The following SATL1 variants were observed in gnomAD, a reference collection of about 807,000 sequenced individuals.
The protein encoded by SATL1 is spermidine/spermine N1-acetyl transferase like 1, also known as spermidine/spermine N(1)-acetyltransferase-like protein 1.
In SATL1, 47 loss-of-function variants were observed where a neutral mutation model predicts 51.8. The observed-to-expected ratio is 0.91, with a 90% CI of 0.72 to 1.16. The LOEUF (loss-of-function observed/expected upper bound fraction) is 1.16, where lower values mean the gene tolerates loss of function less well. Ranked by LOEUF, SATL1 falls within the 50% of genes most tolerant of loss-of-function variation. The pLI is 0.00. For synonymous variants in SATL1, 176 were observed against 182.4 expected (o/e 0.97, Z 0.28); for missense variants, 520 against 526.4 (o/e 0.99, Z 0.12).
At chrX:85,130,873 C>T (rs1193468257) in intron 2 of SATL1, among the ~76,000 whole-genome samples, 2 of 111,934 alleles carry the variant, frequency 1.8e-5, no homozygotes, top group Non-Finnish European at 3.8e-5. Flanking sequence ...TTTCATAGAA[C>T]ATCTTTATTT....
chrX:85,128,042 A>C (rs1405765209), intron 2 of SATL1, among the ~76,000 whole-genome samples: 1 of 111,790 alleles, frequency 8.9e-6, no homozygotes, highest in East Asian at 2.8e-4. Flanking sequence ...AATCCAGTCT[A>C]TCATTGATGG....
intron 4 of SATL1, among the ~76,000 whole-genome samples, chrX:85,098,696 C>T (rs1354628861): frequency 2.7e-5 from 3 of 110,861 alleles, no homozygotes; most frequent in South Asian, 3.8e-4. Flanking sequence ...AACAACGCAC[C>T]GTACACAACC....
At chrX:85,238,934 GC>G (rs1928532009) in intron 1 of SATL1, among the ~76,000 whole-genome samples, 1 of 110,622 alleles carries the variant, frequency 9.0e-6, no homozygotes, top group Admixed American at 9.6e-5. Flanking sequence ...ATTCTTAGGG[GC>G]TGGGGGACTG....
At chrX:85,156,682 T>C (rs1422002251) in intron 2 of SATL1, among the ~76,000 whole-genome samples, 2 of 106,762 alleles carry the variant, frequency 1.9e-5, no homozygotes, top group Non-Finnish European at 3.9e-5. Flanking sequence ...TGTTTCCAGG[T>C]AGCATCAAGT....
At position 85,133,333 on chromosome X, in the gene SATL1, G is replaced by A. The variant is rs144496333; in HGVS notation, c.-312-24053C>T. On this transcript the variant is annotated intron_variant, in intron 2 of 7. Transcript: ENST00000644105. ...TCCACCCAGTTCGAGCTTCCTGTCC[G>A]CTTTGTATACCTACTCAAGCCTCAG... is the stretch of plus-strand genomic sequence containing the variant. Among the ~76,000 whole-genome samples the A allele has an allele frequency of 1.4e-3, 153 of 111,939 alleles. 2 individuals are homozygous for A. In the East Asian group the frequency reaches 0.039, roughly 29 times the overall value.
chrX:85,125,121 T>C (rs1925590141), intron 2 of SATL1, among the ~76,000 whole-genome samples: 1 of 110,691 alleles, frequency 9.0e-6, no homozygotes, highest in East Asian at 2.9e-4. Context: ...GGGTACTTTA[T>C]AGTTATTTTG....
chrX:85,127,623 G>A (rs1406585465), intron 2 of SATL1, among the ~76,000 whole-genome samples: 1 of 111,319 alleles, frequency 9.0e-6, no homozygotes, highest in East Asian at 2.8e-4. Context: ...CAATCCAAAT[G>A]ACTACCAATG....
intron 2 of SATL1, among the ~76,000 whole-genome samples, chrX:85,110,676 C>A (rs1220263115): frequency 1.8e-5 from 2 of 111,729 alleles, no homozygotes; most frequent in East Asian, 2.8e-4. Context: ...AAATTAGAGA[C>A]CCCAATCACT....
chrX:85,170,346 T>G (rs1221963809), intron 2 of SATL1, among the ~76,000 whole-genome samples: 3 of 111,592 alleles, frequency 2.7e-5, no homozygotes, highest in African/African-American at 9.7e-5. Flanking sequence ...GGAATCTCAG[T>G]AATTGAACAG....
chrX:85,211,439 C>CT (rs1251915514), intron 2 of SATL1: 1 of 111,398 alleles, frequency 9.0e-6, no homozygotes, highest in East Asian at 2.8e-4. Flanking sequence ...AGTACCAAGT[C>CT]TTTATCAGTT....
chrX:85,170,189 C>A (rs1006985346), intron 2 of SATL1, among the ~76,000 whole-genome samples: 1 of 110,770 alleles, frequency 9.0e-6, no homozygotes, highest in Non-Finnish European at 1.9e-5. Context: ...AGGCTTAATA[C>A]CTGGGTGACA....
chrX:85,138,393 G>A (rs1032480182), intron 2 of SATL1, among the ~76,000 whole-genome samples: 4 of 111,969 alleles, frequency 3.6e-5, no homozygotes, highest in Non-Finnish European at 7.5e-5. Context: ...GAGTCTTGCA[G>A]CTCTCACAGT....
At chrX:85,169,081 T>G (rs1050262859) in intron 2 of SATL1, among the ~76,000 whole-genome samples, 4 of 111,866 alleles carry the variant, frequency 3.6e-5, no homozygotes, top group African/African-American at 1.3e-4. Flanking sequence ...TGCAGAAGAC[T>G]AACTGGATCC....
At chrX:85,214,451 A>C (rs1433035338) in intron 2 of SATL1, among the ~76,000 whole-genome samples, 2 of 111,661 alleles carry the variant, frequency 1.8e-5, no homozygotes, top group African/African-American at 6.5e-5. Flanking sequence ...AAAACTGGGA[A>C]TCACATTTCA....
At chrX:85,172,310 T>C (rs1926989512) in intron 2 of SATL1, among the ~76,000 whole-genome samples, 4 of 111,620 alleles carry the variant, frequency 3.6e-5, no homozygotes, top group Non-Finnish European at 7.6e-5. Flanking sequence ...CTACTACATG[T>C]TAGACACTCT....
intron 2 of SATL1, among the ~76,000 whole-genome samples, chrX:85,187,567 T>C (rs1294072896): frequency 8.9e-6 from 1 of 112,197 alleles, no homozygotes; most frequent in Non-Finnish European, 1.9e-5. Context: ...CTGCAGCTAT[T>C]GAGATGATCG....
At chrX:85,113,526 T>C (rs1602841761) in intron 2 of SATL1, among the ~76,000 whole-genome samples, 1 of 111,375 alleles carries the variant, frequency 9.0e-6, no homozygotes, top group South Asian at 3.8e-4. Context: ...TTAGTCTACA[T>C]TGCAGACAAA....
intron 2 of SATL1, among the ~76,000 whole-genome samples, chrX:85,190,740 C>G (rs1927417773): frequency 9.0e-6 from 1 of 111,085 alleles, no homozygotes; most frequent in African/African-American, 3.3e-5. Flanking sequence ...GTTATTATCA[C>G]AGTCCTATTG....
intron 2 of SATL1, among the ~76,000 whole-genome samples, chrX:85,201,090 A>G (rs1927677765): frequency 9.0e-6 from 1 of 111,378 alleles, no homozygotes; most frequent in Non-Finnish European, 1.9e-5. Flanking sequence ...ATAGAACTCA[A>G]GGAAGGTGAC....
Sources: allele counts gnomAD v4.1 joint callset (sites outside exome capture counted in the v4.1 genomes callset), GRCh38; gene constraint gnomAD v4.1.1; transcripts MANE v1.5; gene names NCBI Gene and HGNC (gene_info 2026-07-23, HGNC 2026-07-21).